Variants in ANK3 observed in about 807,000 individuals in gnomAD.
The protein encoded by ANK3 is ankyrin 3.
In ANK3, 57 loss-of-function variants were observed where a neutral mutation model predicts 370.9. The observed-to-expected ratio is 0.15, with a 90% CI of 0.12 to 0.19. The LOEUF (loss-of-function observed/expected upper bound fraction) is 0.19. ANK3 is among the 10% of genes least tolerant of loss of function. The probability of loss-of-function intolerance (pLI) is 1.00; values close to 1 mark genes in which losing one functional copy is unlikely to be tolerated. For missense variants in ANK3, 4,439 were observed against 5,302.1 expected (o/e 0.84, Z 5.06); for synonymous variants, 1,929 against 1,946.3 (o/e 0.99, Z 0.23).
intron 9 of ANK3, among the ~76,000 whole-genome samples, chr10:60,212,175 T>C (rs1012841762): frequency 3.3e-5 from 5 of 152,076 alleles, no homozygotes; most frequent in African/African-American, 1.2e-4. Flanking sequence ...TATGAGCAAC[T>C]CTCTGATTTT....
chr10:60,163,862 G>A (rs1380908514), intron 23 of ANK3, among the ~76,000 whole-genome samples: 1 of 152,004 alleles, frequency 6.6e-6, no homozygotes, highest in Non-Finnish European at 1.5e-5. Flanking sequence ...GCTTTTAAAA[G>A]CTGCTGTTAT....
intron 1 of ANK3, among the ~76,000 whole-genome samples, chr10:60,385,309 G>C (rs563400972): frequency 6.6e-6 from 1 of 151,674 alleles, no homozygotes; most frequent in African/African-American, 2.4e-5. Flanking sequence ...TGACTATCTT[G>C]CTGACTCCTC....
At chr10:60,613,718 G>GA (rs1172774799) in intron 2 of ANK3, among the ~76,000 whole-genome samples, 3 of 150,402 alleles carry the variant, frequency 2.0e-5, no homozygotes, top group Non-Finnish European at 3.0e-5. Flanking sequence ...AGTCCTTCAT[G>GA]AAAAAAACCA....
chr10:60,434,983 G>C (rs2064121314), intron 2 of ANK3, among the ~76,000 whole-genome samples: 1 of 152,256 alleles, frequency 6.6e-6, no homozygotes, highest in Non-Finnish European at 1.5e-5. Flanking sequence ...AAATGAAAAA[G>C]TGTATTGGGC....
At chr10:60,240,085 AC>A (rs1168379556) in intron 7 of ANK3, among the ~76,000 whole-genome samples, 7 of 135,512 alleles carry the variant, frequency 5.2e-5, no homozygotes, top group Admixed American at 1.6e-4. Context: ...ACATATATAC[AC>A]TATATATACA....
At position 60,136,203 on chromosome 10, in the gene ANK3, A is replaced by G. The variant is rs148449312; in HGVS notation, c.2739-1830T>C. 3.0e-3 allele frequency among the ~76,000 whole-genome samples: 450 copies of G among 152,086 alleles called. 3 individuals are homozygous for G. Among genetic ancestry groups the G allele is most frequent in the African/African-American group, 0.01 (428 of 41,478 alleles). ...CTAAGAGCAGGAATTCTCTAACTCA[A>G]CACTGTCCAACAGAACTTTATCCTA... On this transcript the variant is annotated intron_variant, in intron 24 of 43. Transcript: ENST00000280772.
intron 1 of ANK3, among the ~76,000 whole-genome samples, chr10:60,292,216 C>T (rs1035926579): frequency 2.6e-5 from 4 of 152,038 alleles, no homozygotes; most frequent in Non-Finnish European, 4.4e-5. Context: ...GGAAAATAAC[C>T]GCAGATGGAG....
chr10:60,030,488 G>A (rs1475465873), intron 43 of ANK3, among the ~76,000 whole-genome samples: 1 of 152,070 alleles, frequency 6.6e-6, no homozygotes, highest in East Asian at 1.9e-4. Flanking sequence ...GAGTTGCCAT[G>A]GACACCCCCA....
intron 40 of ANK3, among the ~76,000 whole-genome samples, chr10:60,061,515 C>T (rs527738111): frequency 1.3e-5 from 2 of 152,158 alleles, no homozygotes; most frequent in Admixed American, 1.3e-4. Context: ...TAAACTATAA[C>T]TTATCAATAA....
chr10:60,483,857 C>T (rs2075286064), intron 2 of ANK3, among the ~76,000 whole-genome samples: 1 of 152,098 alleles, frequency 6.6e-6, no homozygotes, highest in South Asian at 2.1e-4. Flanking sequence ...TCACAAAGGG[C>T]TTGAATAGGC....
chr10:60,651,284 T>C lies in ANK3; in HGVS notation c.58-36060A>G, dbSNP rs56775407. Among the ~76,000 whole-genome samples, 307 of 152,326 alleles carry C rather than the reference T, an allele frequency of 2.0e-3. 1 individual carries two copies. Among genetic ancestry groups the C allele is most frequent in the African/African-American group, 7.0e-3 (291 of 41,568 alleles). On this transcript the variant is annotated intron_variant, in intron 1 of 43. Transcript: ENST00000373827. ...TTAGCCAGAAAACAGATACTTTGTG[T>C]GTTCAAGGATAACACATCAAGATCA... is the stretch of plus-strand genomic sequence containing the variant.
intron 2 of ANK3, among the ~76,000 whole-genome samples, chr10:60,600,280 T>C (rs2078042778): frequency 6.6e-6 from 1 of 152,212 alleles, no homozygotes; most frequent in Admixed American, 6.5e-5. Flanking sequence ...TACTTGTGTC[T>C]GACCTTCTCT....
intron 2 of ANK3, among the ~76,000 whole-genome samples, chr10:60,562,842 A>G (rs899963598): frequency 2.0e-5 from 3 of 152,242 alleles, no homozygotes; most frequent in African/African-American, 7.2e-5. Flanking sequence ...TTTTTGTTTG[A>G]GACAGATGAC....
intron 1 of ANK3, among the ~76,000 whole-genome samples, chr10:60,353,165 T>G (rs1452709260): frequency 4.7e-5 from 7 of 150,496 alleles, no homozygotes; most frequent in Admixed American, 6.6e-5. Context: ...TTTGTTTTTT[T>G]TTTTTTTTTT....
intron 18 of ANK3, among the ~76,000 whole-genome samples, chr10:60,179,452 T>C (rs774508781): frequency 2.0e-5 from 3 of 152,130 alleles, no homozygotes; most frequent in Non-Finnish European, 2.9e-5. Flanking sequence ...CCCAGCATTT[T>C]GGGAGGCCAA....
At chr10:60,432,977 T>A (rs2064066106) in intron 2 of ANK3, among the ~76,000 whole-genome samples, 1 of 152,118 alleles carries the variant, frequency 6.6e-6, no homozygotes, top group South Asian at 2.1e-4. Context: ...CAGCCAAAGG[T>A]TGGCCACAGC....
At chr10:60,719,885 A>G (rs1564617068) in intron 1 of ANK3, among the ~76,000 whole-genome samples, 1 of 152,166 alleles carries the variant, frequency 6.6e-6, no homozygotes, top group Non-Finnish European at 1.5e-5. Flanking sequence ...TGTTTGCTTT[A>G]TGCATGAGAT....
chr10:60,261,042 G>A (rs2097796037), intron 7 of ANK3, among the ~76,000 whole-genome samples: 1 of 152,160 alleles, frequency 6.6e-6, no homozygotes, highest in Admixed American at 6.6e-5. Context: ...GACGCAGTGA[G>A]GGAGAGGTGA....
At chr10:60,281,773 T>C (rs1242410806) in intron 1 of ANK3, among the ~76,000 whole-genome samples, 1 of 152,164 alleles carries the variant, frequency 6.6e-6, no homozygotes, top group African/African-American at 2.4e-5. Flanking sequence ...CAAAGGTGAA[T>C]ACCAGAGATT....
Sources: gnomAD v4.1 joint callset for allele counts (sites outside exome capture counted in the v4.1 genomes callset) on GRCh38, gnomAD v4.1.1 for gene constraint, MANE v1.5 for transcripts, NCBI Gene and HGNC (gene_info 2026-07-23, HGNC 2026-07-21) for gene names.